YAF2: variants seen among roughly 807,000 people sequenced by gnomAD.
YAF2 encodes YY1-associated factor 2.
In YAF2, 7 loss-of-function variants were observed where a neutral mutation model predicts 20.1. The observed-to-expected ratio is 0.35, with a 90% CI of 0.20 to 0.65. The LOEUF (loss-of-function observed/expected upper bound fraction) is 0.65. Ranked by LOEUF, YAF2 falls within the 30% of genes least tolerant of loss-of-function variation. YAF2 has a pLI of 0.69. For missense variants in YAF2, 151 were observed against 219.2 expected (o/e 0.69, Z 1.96); for synonymous variants, 74 against 76.0 (o/e 0.97, Z 0.14).
At chr12:42,227,976 G>A (rs1263699383) in intron 2 of YAF2, among the ~76,000 whole-genome samples, 1 of 143,994 alleles carries the variant, frequency 6.9e-6, no homozygotes, top group East Asian at 2.1e-4. Flanking sequence ...GGAGGTGGGG[G>A]GGTCAGCCCC....
intron 2 of YAF2, among the ~76,000 whole-genome samples, chr12:42,228,010 A>T (rs866446686): frequency 3.9e-4 from 33 of 84,090 alleles, no homozygotes; most frequent in South Asian, 1.3e-3. Context: ...CGCCCCGTCC[A>T]GGAGGGAGGT....
chr12:42,219,312 C>T (rs529245529), intron 2 of YAF2, among the ~76,000 whole-genome samples: 36 of 152,206 alleles, frequency 2.4e-4, no homozygotes, highest in Non-Finnish European at 4.0e-4. Flanking sequence ...ACAGGCAAAC[C>T]TCTCTCCTCT....
chr12:42,179,667 C>T (rs2066289986), intron 2 of YAF2, among the ~76,000 whole-genome samples: 1 of 151,248 alleles, frequency 6.6e-6, no homozygotes, highest in Non-Finnish European at 1.5e-5. Context: ...CACGTGCCAC[C>T]CAGCTACTTG....
chr12:42,231,277 T>C (rs192431083), intron 2 of YAF2: 11 of 152,354 alleles, frequency 7.2e-5, no homozygotes, highest in Admixed American at 7.2e-4. Flanking sequence ...AAAGATATTT[T>C]GTATGAAGAG....
At chr12:42,206,244 ATT>A (rs1217995941) in intron 2 of YAF2, among the ~76,000 whole-genome samples, 3 of 135,490 alleles carry the variant, frequency 2.2e-5, no homozygotes, top group African/African-American at 8.4e-5. Context: ...ATAAATATTT[ATT>A]GTTTCTGAAG....
intron 2 of YAF2, among the ~76,000 whole-genome samples, chr12:42,228,337 G>A (rs1476542685): frequency 4.1e-5 from 3 of 73,252 alleles, no homozygotes; most frequent in African/African-American, 7.7e-5. Flanking sequence ...CACCCCATCC[G>A]GGAGGTGAGG....
chr12:42,206,892 GA>G (rs1279171072), intron 2 of YAF2, among the ~76,000 whole-genome samples: 2 of 152,006 alleles, frequency 1.3e-5, no homozygotes, highest in Non-Finnish European at 2.9e-5. Flanking sequence ...CAAAGCCATA[GA>G]AAAGTTGAAA....
chr12:42,230,428 A>G (rs552065694), intron 2 of YAF2, among the ~76,000 whole-genome samples: 1 of 152,308 alleles, frequency 6.6e-6, no homozygotes, highest in East Asian at 1.9e-4. Flanking sequence ...GGCCTTGAAC[A>G]CTATCCTAAG....
chr12:42,211,866 T>C (rs891713758), intron 2 of YAF2, among the ~76,000 whole-genome samples: 2 of 150,514 alleles, frequency 1.3e-5, no homozygotes, highest in African/African-American at 2.4e-5. Flanking sequence ...CTCACTAACA[T>C]AGTGAAACCC....
intron 2 of YAF2, chr12:42,210,579 T>C: frequency 6.5e-7 from 1 of 1,536,114 alleles, no homozygotes; most frequent in African/African-American, 1.4e-5. Flanking sequence ...AACGGTTCCT[T>C]GGTCCTCGAG....
At chr12:42,218,124 C>T (rs1023022885) in intron 2 of YAF2, among the ~76,000 whole-genome samples, 8 of 150,392 alleles carry the variant, frequency 5.3e-5, no homozygotes, top group East Asian at 2.0e-4. Flanking sequence ...ACTTTCTAGA[C>T]GTTAGAACTT....
At chr12:42,219,112 T>A (rs944698011) in intron 2 of YAF2, among the ~76,000 whole-genome samples, 5 of 152,332 alleles carry the variant, frequency 3.3e-5, no homozygotes, top group Non-Finnish European at 7.3e-5. Context: ...AGAGAAATCC[T>A]AATAAAATAT....
chr12:42,208,284 G>A (rs893615186), intron 2 of YAF2, among the ~76,000 whole-genome samples: 3 of 152,010 alleles, frequency 2.0e-5, no homozygotes, highest in Admixed American at 6.5e-5. Context: ...AAGCTAGCCA[G>A]GCCTGGTGGC....
Position 42,208,359 on chromosome 12 carries a change from G to A in YAF2, c.152+29240C>T, listed in dbSNP as rs564691538. 2.4e-4 allele frequency among the ~76,000 whole-genome samples: 36 copies of A among 152,212 alleles called. No homozygotes were observed. In the South Asian group the frequency reaches 4.6e-3, roughly 19 times the overall value. ...GGGAATTGCTTGAACCTGGGAGGCG[G>A]AGGTTGCAGTGAACGGATATCATGC... is the stretch of plus-strand genomic sequence containing the variant. On this transcript the variant is annotated intron_variant, in intron 2 of 3. Coordinates refer to ENST00000534854, the MANE Select transcript of YAF2 (RefSeq NM_005748.6).
intron 2 of YAF2, among the ~76,000 whole-genome samples, chr12:42,185,121 T>C (rs749976720): frequency 1.3e-5 from 2 of 152,162 alleles, no homozygotes; most frequent in South Asian, 2.1e-4. Context: ...AAGGCTGCAG[T>C]GGGCCAAGAT....
intron 2 of YAF2, among the ~76,000 whole-genome samples, chr12:42,204,819 C>G (rs2066994136): frequency 6.6e-6 from 1 of 152,116 alleles, no homozygotes; most frequent in African/African-American, 2.4e-5. Context: ...ATCAATCCCT[C>G]CCAAAACACA....
intron 2 of YAF2, among the ~76,000 whole-genome samples, chr12:42,180,646 T>A (rs1207685100): frequency 6.6e-6 from 1 of 152,212 alleles, no homozygotes; most frequent in Non-Finnish European, 1.5e-5. Flanking sequence ...GTATTTATAC[T>A]ATAATATTTC....
At chr12:42,232,968 A>G in intron 2 of YAF2, 2 of 985,472 alleles carry the variant, frequency 2.0e-6, no homozygotes, top group Non-Finnish European at 2.4e-6. Flanking sequence ...AGAGCTTGGT[A>G]CAGTTAAAGC....
At chr12:42,165,942 G>C (rs1386121485) in intron 2 of YAF2, among the ~76,000 whole-genome samples, 1 of 149,868 alleles carries the variant, frequency 6.7e-6, no homozygotes, top group Non-Finnish European at 1.5e-5. Flanking sequence ...GAATGAGACG[G>C]AGTCTCACAC....
Sources: allele counts gnomAD v4.1 joint callset (sites outside exome capture counted in the v4.1 genomes callset), GRCh38; gene constraint gnomAD v4.1.1; transcripts MANE v1.5; gene names NCBI Gene and HGNC (gene_info 2026-07-23, HGNC 2026-07-21).